Variants in USP9Y observed in about 807,000 individuals in gnomAD.
The protein encoded by USP9Y is ubiquitin specific peptidase 9 Y-linked, also known as ubiquitin carboxyl-terminal hydrolase 9Y.
Under a neutral mutation model 53.1 loss-of-function variants are expected in USP9Y, and 41 were observed. The ratio of observed to expected loss-of-function variants is 0.77; its 90% CI spans 0.60 to 1.00. The LOEUF is 1.00. Ranked by LOEUF, USP9Y falls within the 50% of genes least tolerant of loss-of-function variation. USP9Y has a pLI of 0.00. For missense variants in USP9Y, 567 were observed against 535.8 expected (o/e 1.06, Z -0.58); for synonymous variants, 220 against 173.7 (o/e 1.27, Z -2.09).
At position 12,833,726 on chromosome Y, in the gene USP9Y, A is replaced by T; in HGVS notation, c.5060A>T (p.Asp1687Val). 2.5e-6 allele frequency: 1 copy of T among 398,174 alleles called. No homozygotes were observed. Among genetic ancestry groups the T allele is most frequent in the Non-Finnish European group, 3.5e-6 (1 of 283,276 alleles). Residue 1687 changes from aspartate (D) to valine (V), a missense_variant, in exon 34 of 46, where the codon GAT (aspartate) becomes GTT (valine). Transcript: ENST00000338981. ...CCTGTTAATCTCCGTGAACAACATG[A>T]TGCCTTAGAGTTTTTTAATTCTTTG... ...GEPVNLREQHDALEFFNSLVD... is the reference protein window; with the variant it reads ...GEPVNLREQHVALEFFNSLVD...
chrY:12,832,843 A>G, intron 33 of USP9Y, among the ~76,000 whole-genome samples: 1 of 33,481 alleles, frequency 3.0e-5, no homozygotes, highest in Non-Finnish European at 7.4e-5. Context: ...TGATACTCCA[A>G]TTGTGGTGGT....
chrY:12,781,046 T>C (rs2053498091), intron 22 of USP9Y, among the ~76,000 whole-genome samples: 1 of 32,833 alleles, frequency 3.0e-5, no homozygotes, highest in Admixed American at 2.8e-4. Flanking sequence ...CTCTAACATA[T>C]AAATAAAATC....
intron 33 of USP9Y, among the ~76,000 whole-genome samples, chrY:12,830,314 A>G: frequency 3.0e-5 from 1 of 33,877 alleles, no homozygotes; most frequent in Non-Finnish European, 7.4e-5. Flanking sequence ...ATTATAGACC[A>G]GTAATCCATT....
chrY:12,726,633 A>G lies in USP9Y; in HGVS notation c.497A>G (p.Gln166Arg). The change falls in exon 7 of 46, where the codon CAA becomes CGA. Residue 166 changes from glutamine (Q) to arginine (R), a missense_variant. Physicochemically the swap from Gln to Arg is conservative, Grantham distance 43. Transcript: ENST00000338981. ...GAGCTTTGTGTGGCCAAGTTGTCCC[A>G]AGATTGGTTTCCACTTCTAGAACTT... ...LVELCVAKLSQDWFPLLELLA... is the reference protein window; with the variant it reads ...LVELCVAKLSRDWFPLLELLA... 1 of 396,435 alleles carries G rather than the reference A, an allele frequency of 2.5e-6. No homozygotes were observed. Among genetic ancestry groups the G allele is most frequent in the South Asian group, 3.0e-5 (1 of 33,611 alleles).
intron 39 of USP9Y, 47 bp downstream of exon 39, chrY:12,843,240 A>G: frequency 3.4e-6 from 1 of 294,142 alleles, no homozygotes. Context: ...AATTTCAAAT[A>G]TTAAATGGGA....
At chrY:12,729,616 A>G (rs2053445699) in intron 7 of USP9Y, among the ~76,000 whole-genome samples, 1 of 31,377 alleles carries the variant, frequency 3.2e-5, no homozygotes, top group Admixed American at 2.9e-4. Flanking sequence ...AATTTTTTCT[A>G]TTTTTAGTAG....
chrY:12,725,043 A>G (rs2053439971), intron 5 of USP9Y, 70 bp from the exon 6 acceptor site: 1 of 249,995 alleles, frequency 4.0e-6, no homozygotes, highest in Admixed American at 7.9e-5. Context: ...GTTTCTAGCA[A>G]TTTACTATGT....
chrY:12,717,611 A>G (rs2053432071), intron 3 of USP9Y, among the ~76,000 whole-genome samples: 2 of 32,806 alleles, frequency 6.1e-5, no homozygotes, highest in African/African-American at 2.4e-4. Flanking sequence ...AGAGGGAAGA[A>G]AAAGCCATGA....
intron 12 of USP9Y, among the ~76,000 whole-genome samples, chrY:12,755,162 C>CTT (rs201909503): frequency 4.7e-5 from 1 of 21,362 alleles, no homozygotes; most frequent in Non-Finnish European, 1.1e-4. Context: ...TGTTTTCTTT[C>CTT]TTTTTTTTTT....
In USP9Y at chrY:12,788,863, G is replaced by A. The variant is rs557898473; in HGVS notation, c.3562-1544G>A. ...AGCCTCCCAAGTAGCTGGGACTCCCGGCGCGTGCCACCAAACGCGGCTAAT... is the reference window on the plus strand; with the variant it reads ...AGCCTCCCAAGTAGCTGGGACTCCCAGCGCGTGCCACCAAACGCGGCTAAT... On this transcript the variant is annotated intron_variant, in intron 24 of 45. Transcript: ENST00000338981. Among the ~76,000 whole-genome samples the A allele has an allele frequency of 2.6e-4, 8 of 30,909 alleles. No individual in the cohort carries two copies. The South Asian group carries it at 6.1e-3, about 24-fold the overall frequency. The allele number at this position is 30,909 out of a possible 37,273, so 82.9% of individuals were successfully genotyped here.
At chrY:12,727,399 A>G (rs992968967) in intron 7 of USP9Y, among the ~76,000 whole-genome samples, 1 of 33,037 alleles carries the variant, frequency 3.0e-5, no homozygotes, top group African/African-American at 1.2e-4. Flanking sequence ...AGAATTAACA[A>G]TTTTTCTCAA....
intron 24 of USP9Y, among the ~76,000 whole-genome samples, chrY:12,788,021 G>A (rs2053503801): frequency 4.2e-4 from 14 of 33,632 alleles, no homozygotes; most frequent in Non-Finnish European, 9.6e-4. Flanking sequence ...TCTACAATAC[G>A]TACAAGAGGT....
chrY:12,764,615 A>G, intron 15 of USP9Y, among the ~76,000 whole-genome samples: 1 of 33,631 alleles, frequency 3.0e-5, no homozygotes, highest in Non-Finnish European at 7.4e-5. Context: ...AAAATACAGA[A>G]TGCAAATTGA....
intron 17 of USP9Y, 106 bp downstream of exon 17, chrY:12,774,031 C>T: frequency 5.7e-6 from 1 of 176,863 alleles, no homozygotes; most frequent in Non-Finnish European, 9.8e-6. Context: ...TGGCTATATT[C>T]TGTTTTGATG....
intron 1 of USP9Y, among the ~76,000 whole-genome samples, chrY:12,703,788 T>G (rs752252654): frequency 3.0e-5 from 1 of 33,667 alleles, no homozygotes; most frequent in African/African-American, 1.2e-4. Flanking sequence ...TGCTGATTGA[T>G]CCATTTGACA....
At chrY:12,772,880 AG>A (rs377197935) in intron 16 of USP9Y, among the ~76,000 whole-genome samples, 295 of 32,902 alleles carry the variant, frequency 9.0e-3, no homozygotes, top group South Asian at 0.039. Flanking sequence ...CTAAGTGTGA[AG>A]TTATTATTCA....
intron 1 of USP9Y, among the ~76,000 whole-genome samples, chrY:12,706,670 GTTTT>G (rs2053419549): frequency 3.0e-5 from 1 of 32,792 alleles, no homozygotes; most frequent in Non-Finnish European, 7.5e-5. Context: ...GAGGGAGGGA[GTTTT>G]TTTAGTTTGT....
chrY:12,826,356 G>A (rs9786054), intron 33 of USP9Y, among the ~76,000 whole-genome samples: 4,863 of 31,105 alleles, frequency 0.16, no homozygotes, highest in African/African-American at 0.6. Flanking sequence ...GCCAAGGTGC[G>A]CGGATCACTT....
At position 12,812,935 on chromosome Y, in the gene USP9Y, G is replaced by A. The variant is rs772414719; in HGVS notation, c.4492G>A (p.Val1498Ile). The A allele has an allele frequency of 5.0e-5, 20 of 396,595 alleles. No individual in the cohort carries two copies. The African/African-American group carries it at 5.1e-4, about 10-fold the overall frequency. ...EQAIPVCSSP[V>I]TINAGFELLV... Reference sequence around the variant, plus strand: ...GGCTATTCCAGTCTGTAGTTCACCCGTTACCATCAATGCCGGTTTTGAGCT... The same window carrying A: ...GGCTATTCCAGTCTGTAGTTCACCCATTACCATCAATGCCGGTTTTGAGCT... The change falls in exon 31 of 46, where the codon GTT becomes ATT. Residue 1498 changes from valine (V) to isoleucine (I), a missense_variant. Coordinates refer to ENST00000338981, the MANE Select transcript of USP9Y (RefSeq NM_004654.4).
Sources: allele counts gnomAD v4.1 joint callset (sites outside exome capture counted in the v4.1 genomes callset), GRCh38; gene constraint gnomAD v4.1.1; transcripts MANE v1.5; gene names NCBI Gene and HGNC (gene_info 2026-07-23, HGNC 2026-07-21).